Variants in SPMIP5 observed in about 807,000 individuals in gnomAD.
SPMIP5 encodes sperm-associated microtubule inner protein 5.
At chr10:116,665,841 T>A in the SPMIP5 span, 1 of 1,597,714 alleles carries the variant, frequency 6.3e-7, no homozygotes, top group South Asian at 1.1e-5. Context: ...AAGAGCCGAA[T>A]GGAATCACAG....
the SPMIP5 span, among the ~76,000 whole-genome samples, chr10:116,662,578 C>T: frequency 0.028 from 4,273 of 152,278 alleles, 201 homozygotes; most frequent in African/African-American, 0.096. Flanking sequence ...ACCTCCGAGG[C>T]CCAGCTTGCT....
chr10:116,664,642 G>C, the SPMIP5 span: 1 of 1,508,346 alleles, frequency 6.6e-7, no homozygotes, highest in Non-Finnish European at 8.8e-7. Context: ...CCTTCTCTAA[G>C]ACAAATCACA....
the SPMIP5 span, chr10:116,665,606 A>G: frequency 6.2e-7 from 1 of 1,610,394 alleles, no homozygotes; most frequent in Admixed American, 1.7e-5. Context: ...GGGCGCTGCT[A>G]CCCAGGATCA....
chr10:116,663,743 A>T, the SPMIP5 span: 9 of 748,092 alleles, frequency 1.2e-5, no homozygotes, highest in Admixed American at 1.0e-4. Context: ...AACGGTCTTT[A>T]TCATTAATGA....
chr10:116,663,630 G>A, the SPMIP5 span: 6 of 337,778 alleles, frequency 1.8e-5, no homozygotes, highest in Middle Eastern at 9.2e-4. Context: ...GTGTTACCTC[G>A]GGGGTTAGGA....
chr10:116,664,379 G>A, the SPMIP5 span: 3 of 885,582 alleles, frequency 3.4e-6, no homozygotes, highest in Non-Finnish European at 3.3e-6. Context: ...TATGAACATG[G>A]TATGTTATTT....
the SPMIP5 span, among the ~76,000 whole-genome samples, chr10:116,663,189 A>C: frequency 6.6e-6 from 1 of 151,718 alleles, no homozygotes; most frequent in South Asian, 2.1e-4. Context: ...CTCAAAAAAA[A>C]AAAAAAAAAA....
chr10:116,663,462 T>C, the SPMIP5 span, among the ~76,000 whole-genome samples: 2 of 152,098 alleles, frequency 1.3e-5, no homozygotes, highest in Non-Finnish European at 2.9e-5. Context: ...ATATAGCTGG[T>C]ATCTGCCAAC....
the SPMIP5 span, among the ~76,000 whole-genome samples, chr10:116,669,323 T>C: frequency 6.6e-6 from 1 of 152,156 alleles, no homozygotes; most frequent in Non-Finnish European, 1.5e-5. Flanking sequence ...CCCGCCAGGC[T>C]GACAGCAGTG....
chr10:116,662,322 C>T, the SPMIP5 span, among the ~76,000 whole-genome samples: 1 of 152,078 alleles, frequency 6.6e-6, no homozygotes, highest in Non-Finnish European at 1.5e-5. Flanking sequence ...AACATCATTC[C>T]AGCTGTTTGC....
the SPMIP5 span, among the ~76,000 whole-genome samples, chr10:116,662,887 G>A: frequency 6.6e-6 from 1 of 152,244 alleles, no homozygotes; most frequent in South Asian, 2.1e-4. Flanking sequence ...GTCCTTGTAA[G>A]AAGACGGCCG....
chr10:116,664,804 T>C, the SPMIP5 span: 2 of 1,614,122 alleles, frequency 1.2e-6, no homozygotes, highest in Admixed American at 3.3e-5. Flanking sequence ...CTCTCCGTGA[T>C]CTCCAGGAAG....
chr10:116,669,402 G>A, the SPMIP5 span, among the ~76,000 whole-genome samples: 3 of 152,212 alleles, frequency 2.0e-5, no homozygotes, highest in African/African-American at 7.2e-5. Context: ...AGGAAGCACT[G>A]GGCCTGGAGT....
At chr10:116,664,479 A>G in the SPMIP5 span, 1 of 758,090 alleles carries the variant, frequency 1.3e-6, no homozygotes, top group East Asian at 2.9e-5. Flanking sequence ...GCCTTAAGCC[A>G]CTGCCAGGAT....
the SPMIP5 span, among the ~76,000 whole-genome samples, chr10:116,667,373 T>G: frequency 6.6e-6 from 1 of 152,238 alleles, no homozygotes; most frequent in Non-Finnish European, 1.5e-5. Context: ...AACCACATAG[T>G]TTGTGGTAAT....
the SPMIP5 span, among the ~76,000 whole-genome samples, chr10:116,669,604 A>G: frequency 6.6e-6 from 1 of 152,194 alleles, no homozygotes; most frequent in South Asian, 2.1e-4. Context: ...GCAGAACCGC[A>G]TTCTCCTTTA....
At chr10:116,664,581 G>A in the SPMIP5 span, 1 of 1,237,026 alleles carries the variant, frequency 8.1e-7, no homozygotes, top group Non-Finnish European at 1.1e-6. Context: ...CACAGGTTGG[G>A]AGCAGAGGGC....
chr10:116,665,761 T>C, the SPMIP5 span: 4 of 1,613,858 alleles, frequency 2.5e-6, no homozygotes, highest in Non-Finnish European at 3.4e-6. Context: ...TCCTGGAAGG[T>C]TTTCACACAG....
the SPMIP5 span, chr10:116,668,309 CCATGATTTCGCTCT>C: frequency 1.6e-4 from 265 of 1,612,962 alleles, no homozygotes; most frequent in Non-Finnish European, 1.9e-4. Flanking sequence ...TTGGAAGGCT[CCATGATTTCGCTCT>C]CTGTTAGTGG....
Sources: gnomAD v4.1 joint callset for allele counts (sites outside exome capture counted in the v4.1 genomes callset) on GRCh38, gnomAD v4.1.1 for gene constraint, MANE v1.5 for transcripts, NCBI Gene and HGNC (gene_info 2026-07-23, HGNC 2026-07-21) for gene names.